TRMT1L: variants seen among roughly 807,000 people sequenced by gnomAD.
TRMT1L encodes tRNA methyltransferase 1L.
TRMT1L carries 28 observed loss-of-function variants against 81.6 expected under a neutral mutation model. The observed-to-expected ratio is 0.34, with a 90% CI of 0.25 to 0.47. TRMT1L has a LOEUF of 0.47. Ranked by LOEUF, TRMT1L falls within the 20% of genes least tolerant of loss-of-function variation. The probability of loss-of-function intolerance (pLI) is 1.00; values close to 1 mark genes in which losing one functional copy is unlikely to be tolerated. For synonymous variants in TRMT1L, 301 were observed against 303.2 expected, an observed-to-expected ratio of 0.99 and a Z score of 0.07; for missense variants, 739 against 877.1, an observed-to-expected ratio of 0.84 and a Z score of 1.99.
At chr1:185,141,010 G>A (rs902770967) in intron 7 of TRMT1L, among the ~76,000 whole-genome samples, 1 of 149,984 alleles carries the variant, frequency 6.7e-6, no homozygotes, top group African/African-American at 2.5e-5. Context: ...ACAAAAAAGC[G>A]AATGATTAGA....
intron 10 of TRMT1L, among the ~76,000 whole-genome samples, chr1:185,132,962 C>T (rs573782417): frequency 2.0e-5 from 3 of 152,108 alleles, no homozygotes; most frequent in African/African-American, 7.2e-5. Flanking sequence ...AAACAGAAGC[C>T]CTTGCACAAC....
intron 11 of TRMT1L, 24 bp from the exon 12 acceptor site, chr1:185,125,134 G>A (rs372158690): frequency 1.3e-6 from 2 of 1,538,424 alleles, no homozygotes; most frequent in South Asian, 1.3e-5. Context: ...AATATACAGA[G>A]AACTGGGTTT....
Position 185,122,732 on chromosome 1 carries a change from T to C in TRMT1L, c.1822+1125A>G, listed in dbSNP as rs536373527. Among the ~76,000 whole-genome samples the C allele has an allele frequency of 1.3e-4, 20 of 148,644 alleles. 1 individual carries two copies. The East Asian group carries it at 4.0e-3, about 30-fold the overall frequency. On this transcript the variant is annotated intron_variant, in intron 13 of 14. Transcript: ENST00000367506. The stretch of plus-strand genomic sequence containing the variant: ...GACAGTCTCGATCTGTCACCCAGGC[T>C]GGAGTGCAGTGGTGCAATCTTGGCT...
At chr1:185,138,153 A>G (rs1652946653) in intron 9 of TRMT1L, among the ~76,000 whole-genome samples, 1 of 152,146 alleles carries the variant, frequency 6.6e-6, no homozygotes, top group Admixed American at 6.5e-5. Context: ...TCTTTCAAAC[A>G]GTATCTATTT....
intron 4 of TRMT1L, among the ~76,000 whole-genome samples, chr1:185,146,382 T>C (rs910652743): frequency 4.6e-5 from 7 of 152,042 alleles, no homozygotes; most frequent in African/African-American, 1.7e-4. Flanking sequence ...GGCTCTTTCC[T>C]AGTTTTGATG....
chr1:185,126,008 A>G (rs752442876), intron 11 of TRMT1L, among the ~76,000 whole-genome samples: 2 of 152,176 alleles, frequency 1.3e-5, no homozygotes, highest in Non-Finnish European at 2.9e-5. Context: ...CTTCCCATTT[A>G]ATTTAAGAAT....
rs199729807 is a variant in TRMT1L at position 185,120,475 on chromosome 1, T to G, written c.1857A>C (p.Leu619Phe). ...TGACATCAGTCTTTTGCTTCTTGCC[T>G]AAATTTGTGATCATTTCATTACTTT... ...KRKSNEMITN[L>F]GKKQKTDVST... is the part of the protein sequence containing the mutation. The change falls in exon 14 of 15, where the codon TTA (leucine) becomes TTC (phenylalanine). Residue 619 changes from leucine (L) to phenylalanine (F), a missense_variant. Leu to Phe is a conservative substitution (Grantham distance 22). Coordinates refer to ENST00000367506, the MANE Select transcript of TRMT1L (RefSeq NM_030934.5). The G allele has an allele frequency of 6.3e-7, 1 of 1,599,154 alleles. No individual in the cohort carries two copies. The highest frequency in any genetic ancestry group is 1.8e-5 in the Admixed American group (1 of 56,758).
At chr1:185,140,741 G>A (rs892539851) in intron 7 of TRMT1L, among the ~76,000 whole-genome samples, 2 of 151,834 alleles carry the variant, frequency 1.3e-5, no homozygotes, top group African/African-American at 4.8e-5. Flanking sequence ...CACTTTGGGA[G>A]GCTGAGGCAG....
At chr1:185,123,081 T>C (rs1571341425) in intron 13 of TRMT1L, among the ~76,000 whole-genome samples, 1 of 152,218 alleles carries the variant, frequency 6.6e-6, no homozygotes, top group African/African-American at 2.4e-5. Flanking sequence ...TCAAATTAGT[T>C]GAAGATGCCA....
chr1:185,120,410 T>G lies in TRMT1L; in HGVS notation c.1922A>C (p.His641Pro). Residue 641 changes from histidine (H) to proline (P), a missense_variant, in exon 14 of 15, where the codon CAC becomes CCC. His to Pro is a moderately conservative substitution (Grantham distance 77). Coordinates refer to ENST00000367506, the MANE Select transcript of TRMT1L (RefSeq NM_030934.5). ...HPPFYYNIHR[H>P]SIKGMNMPKL... Reference sequence around the variant, plus strand: ...TGGCATATTCATTCCTTTAATGCTGTGTCTGTGAATGTTGTAATAAAAGGG... The same window carrying G: ...TGGCATATTCATTCCTTTAATGCTGGGTCTGTGAATGTTGTAATAAAAGGG... 6.3e-7 allele frequency: 1 copy of G among 1,596,968 alleles called. No homozygotes were observed. The highest frequency in any genetic ancestry group is 8.5e-7 in the Non-Finnish European group (1 of 1,172,754).
intron 10 of TRMT1L, among the ~76,000 whole-genome samples, chr1:185,135,202 G>A (rs553785467): frequency 1.3e-5 from 2 of 152,236 alleles, no homozygotes; most frequent in Admixed American, 1.3e-4. Context: ...GATTGCCTGA[G>A]CTCAGGAGTT....
chr1:185,152,222 T>C (rs1557993776), intron 1 of TRMT1L, among the ~76,000 whole-genome samples: 1 of 152,238 alleles, frequency 6.6e-6, no homozygotes, highest in Non-Finnish European at 1.5e-5. Flanking sequence ...CGTTAAGTCA[T>C]GTTTTCTATC....
intron 2 of TRMT1L, 43 bp downstream of exon 2, chr1:185,151,778 AAATT>A: frequency 7.9e-7 from 1 of 1,262,066 alleles, no homozygotes; most frequent in Non-Finnish European, 1.1e-6. Context: ...GAAAGATGAT[AAATT>A]ATTAGAAACT....
In TRMT1L at chr1:185,143,975, T is replaced by C. The variant is rs1571354003; in HGVS notation, c.710A>G (p.Gln237Arg). The C allele has an allele frequency of 6.2e-7, 1 of 1,611,130 alleles. No homozygotes were observed. Among genetic ancestry groups the C allele is most frequent in the East Asian group, 2.2e-5 (1 of 44,702 alleles). ...AGGTATAGAATAGTTGGGACAAACTTGTACATCCGTGTCTGCCTCTTTCAA... is the reference window on the plus strand; with the variant it reads ...AGGTATAGAATAGTTGGGACAAACTCGTACATCCGTGTCTGCCTCTTTCAA... The part of the protein sequence containing the change: ...EILKEADTDV[Q>R]VCPNYSIPQK... Residue 237 changes from glutamine (Q) to arginine (R), a missense_variant, in exon 6 of 15, where the codon CAA becomes CGA. Physicochemically the swap from Gln to Arg is conservative, Grantham distance 43 (BLOSUM62 1). Coordinates refer to ENST00000367506, the MANE Select transcript of TRMT1L (RefSeq NM_030934.5).
At chr1:185,152,309 C>T (rs1441195358) in intron 1 of TRMT1L, among the ~76,000 whole-genome samples, 1 of 152,144 alleles carries the variant, frequency 6.6e-6, no homozygotes, top group African/African-American at 2.4e-5. Flanking sequence ...ATGAAATGAA[C>T]ACTATTAAGT....
At chr1:185,137,344 T>G (rs572566166) in intron 10 of TRMT1L, 1 of 509,386 alleles carries the variant, frequency 2.0e-6, no homozygotes, top group Admixed American at 3.4e-5. Flanking sequence ...TAAAATTAGT[T>G]GAGAGTGGAA....
chr1:185,128,839 T>A (rs951255128), intron 10 of TRMT1L, 92 bp from the exon 11 acceptor site: 3 of 1,097,900 alleles, frequency 2.7e-6, no homozygotes, highest in Non-Finnish European at 2.7e-6. Flanking sequence ...GCAGCTACTA[T>A]ATACTGAGGA....
intron 3 of TRMT1L, among the ~76,000 whole-genome samples, chr1:185,147,768 C>A (rs1403338190): frequency 2.6e-5 from 4 of 151,994 alleles, no homozygotes; most frequent in African/African-American, 9.7e-5. Context: ...TTTTTTTTCT[C>A]ATTTCCTTGG....
intron 1 of TRMT1L, among the ~76,000 whole-genome samples, chr1:185,155,419 A>T (rs996081701): frequency 1.3e-5 from 2 of 152,330 alleles, no homozygotes; most frequent in Middle Eastern, 3.4e-3. Flanking sequence ...ATATAATGAG[A>T]AGGGGCTTAC....
Sources: gnomAD v4.1 joint callset for allele counts (sites outside exome capture counted in the v4.1 genomes callset) on GRCh38, gnomAD v4.1.1 for gene constraint, MANE v1.5 for transcripts, NCBI Gene and HGNC (gene_info 2026-07-23, HGNC 2026-07-21) for gene names.